The following RBFOX1 variants were observed in gnomAD, a reference collection of about 807,000 sequenced individuals.
The protein encoded by RBFOX1 is RNA binding protein fox-1 homolog 1.
RBFOX1 carries 8 observed loss-of-function variants against 57.7 expected under a neutral mutation model. The ratio of observed to expected loss-of-function variants is 0.14; its 90% CI spans 0.08 to 0.25. The LOEUF (loss-of-function observed/expected upper bound fraction) is 0.25. Ranked by LOEUF, RBFOX1 falls within the 10% of genes least tolerant of loss-of-function variation. The pLI, the probability that RBFOX1 is intolerant of heterozygous loss-of-function variation, is 1.00. For missense variants in RBFOX1, 611 were observed against 548.5 expected, an observed-to-expected ratio of 1.11 and a Z score of -1.14; for synonymous variants, 326 against 222.4, an observed-to-expected ratio of 1.47 and a Z score of -4.15.
At chr16:5,484,512 C>T (rs1027007387) in intron 2 of RBFOX1, among the ~76,000 whole-genome samples, 6 of 152,236 alleles carry the variant, frequency 3.9e-5, no homozygotes, top group Admixed American at 3.3e-4. Flanking sequence ...GGCACAGTGG[C>T]CCATGCCTGT....
intron 4 of RBFOX1, among the ~76,000 whole-genome samples, chr16:5,920,700 C>G (rs2058802414): frequency 6.6e-6 from 1 of 152,178 alleles, no homozygotes; most frequent in South Asian, 2.1e-4. Context: ...GATCCTCGTC[C>G]TTGAGATGCA....
intron 1 of RBFOX1, among the ~76,000 whole-genome samples, chr16:5,430,915 G>C (rs2151512084): frequency 6.6e-6 from 1 of 152,302 alleles, no homozygotes; most frequent in African/African-American, 2.4e-5. Context: ...GTTTATAATA[G>C]AATCCTACAT....
At chr16:6,314,894 T>C (rs2080880723) in intron 1 of RBFOX1, among the ~76,000 whole-genome samples, 1 of 152,190 alleles carries the variant, frequency 6.6e-6, no homozygotes, top group Admixed American at 6.5e-5. Flanking sequence ...TAACTATTCT[T>C]CCCAAATCAT....
At chr16:6,605,897 C>T (rs749038057) in intron 2 of RBFOX1, among the ~76,000 whole-genome samples, 1 of 151,770 alleles carries the variant, frequency 6.6e-6, no homozygotes, top group African/African-American at 2.4e-5. Flanking sequence ...GGCAGGAGTT[C>T]GAGACCAGCC....
chr16:7,290,468 C>G (rs1438495246), intron 4 of RBFOX1, among the ~76,000 whole-genome samples: 1 of 152,212 alleles, frequency 6.6e-6, no homozygotes, highest in Non-Finnish European at 1.5e-5. Context: ...AGCACTGTAT[C>G]TCCAAGGCCA....
Position 6,507,918 on chromosome 16 carries a change from G to A in RBFOX1, c.-63-146685G>A, listed in dbSNP as rs551954735. 2.0e-5 allele frequency among the ~76,000 whole-genome samples: 3 copies of A among 152,136 alleles called. No individual in the cohort carries two copies. The East Asian group carries it at 5.8e-4, about 29-fold the overall frequency. ...GATGTATTGTACAAAATACACTTAC[G>A]TTCATTGCATCACTTTTCACAATAG... On this transcript the variant is annotated intron_variant, in intron 2 of 15. Transcript: ENST00000550418.
intron 1 of RBFOX1, among the ~76,000 whole-genome samples, chr16:6,299,702 A>G (rs995655825): frequency 3.9e-5 from 6 of 152,002 alleles, no homozygotes; most frequent in African/African-American, 1.5e-4. Flanking sequence ...CAAAGCCTAA[A>G]CTCAGTTATT....
chr16:6,602,924 C>G (rs1251280052), intron 2 of RBFOX1, among the ~76,000 whole-genome samples: 1 of 152,108 alleles, frequency 6.6e-6, no homozygotes, highest in Non-Finnish European at 1.5e-5. Context: ...ACTAATAAAA[C>G]GAGAGCTGGA....
At chr16:7,445,186 T>G (rs2098798885) in intron 4 of RBFOX1, among the ~76,000 whole-genome samples, 2 of 152,008 alleles carry the variant, frequency 1.3e-5, no homozygotes, top group African/African-American at 4.8e-5. Context: ...TAGCAAGGAT[T>G]AAACAAAGGA....
Position 5,960,774 on chromosome 16 carries a change from C to G in RBFOX1, c.351+93439C>G, listed in dbSNP as rs145798406. On this transcript the variant is annotated intron_variant, in intron 4 of 19. Coordinates refer to the RBFOX1 transcript ENST00000641259. ...CCCAACACAGTGAAAAGCCAAACAT[C>G]CCTTTGATTTAATCAGCCCCTTTTA... Among the ~76,000 whole-genome samples the G allele has an allele frequency of 3.3e-5, 5 of 152,288 alleles. No individual in the cohort carries two copies. In the East Asian group the frequency reaches 9.7e-4, roughly 29 times the overall value.
intron 3 of RBFOX1, among the ~76,000 whole-genome samples, chr16:6,877,087 G>A (rs2061983409): frequency 6.6e-6 from 1 of 152,146 alleles, no homozygotes; most frequent in African/African-American, 2.4e-5. Context: ...ATTTACTGGT[G>A]CTTAACAAGC....
intron 3 of RBFOX1, among the ~76,000 whole-genome samples, chr16:6,988,652 A>G (rs1275733912): frequency 6.6e-6 from 1 of 151,188 alleles, no homozygotes; most frequent in Non-Finnish European, 1.5e-5. Context: ...GGCTCACTAC[A>G]ACCTCTGCCT....
At chr16:5,890,583 G>C (rs1459053933) in intron 4 of RBFOX1, among the ~76,000 whole-genome samples, 1 of 151,704 alleles carries the variant, frequency 6.6e-6, no homozygotes, top group Non-Finnish European at 1.5e-5. Flanking sequence ...TGTAATCTCA[G>C]CTACTCCAGA....
At chr16:5,969,209 T>C (rs951695144) in intron 4 of RBFOX1, among the ~76,000 whole-genome samples, 6 of 152,062 alleles carry the variant, frequency 3.9e-5, no homozygotes, top group Non-Finnish European at 7.4e-5. Context: ...TCTGGCATGC[T>C]TTTGTTATCT....
At chr16:7,574,031 A>G (rs1234528337) in intron 5 of RBFOX1, among the ~76,000 whole-genome samples, 3 of 152,048 alleles carry the variant, frequency 2.0e-5, no homozygotes, top group African/African-American at 7.2e-5. Context: ...GGAATTACAC[A>G]CTATGCTTTT....
intron 4 of RBFOX1, among the ~76,000 whole-genome samples, chr16:7,346,732 C>T (rs188079867): frequency 6.6e-5 from 10 of 152,174 alleles, no homozygotes; most frequent in African/African-American, 2.2e-4. Flanking sequence ...AACTGTTGGG[C>T]TTCCTGTGGG....
chr16:7,700,335 G>A (rs985076002), intron 14 of RBFOX1, among the ~76,000 whole-genome samples: 4 of 152,146 alleles, frequency 2.6e-5, no homozygotes, highest in African/African-American at 9.7e-5. Flanking sequence ...CGATGAGGAT[G>A]CACCATTATC....
chr16:7,005,154 A>G (rs2093186294), intron 3 of RBFOX1, among the ~76,000 whole-genome samples: 1 of 151,700 alleles, frequency 6.6e-6, no homozygotes, highest in African/African-American at 2.4e-5. Flanking sequence ...CAAAAACAAA[A>G]AACGAAAAAA....
At chr16:6,762,937 G>C (rs12918328) in intron 3 of RBFOX1, among the ~76,000 whole-genome samples, 45,954 of 152,064 alleles carry the variant, frequency 0.3, 8,922 homozygotes, top group Non-Finnish European at 0.43. Context: ...GAAACCTGAA[G>C]AACAAGTAGG....
Sources: allele counts gnomAD v4.1 joint callset (sites outside exome capture counted in the v4.1 genomes callset), GRCh38; gene constraint gnomAD v4.1.1; transcripts MANE v1.5; gene names NCBI Gene and HGNC (gene_info 2026-07-23, HGNC 2026-07-21).